Variants in SERINC5 observed in about 807,000 individuals in gnomAD.
SERINC5 encodes serine incorporator 5, also known as chromosome 5 open reading frame 12.
Under a neutral mutation model 63.1 loss-of-function variants are expected in SERINC5, and 41 were observed. The ratio of observed to expected loss-of-function variants is 0.65; its 90% CI spans 0.51 to 0.84. SERINC5 has a LOEUF of 0.84. Ranked by LOEUF, SERINC5 falls within the 40% of genes least tolerant of loss-of-function variation. SERINC5 has a pLI of 0.00. For synonymous variants in SERINC5, 222 were observed against 215.2 expected (o/e 1.03, Z -0.28); for missense variants, 523 against 573.0 (o/e 0.91, Z 0.89).
intron 7 of SERINC5, among the ~76,000 whole-genome samples, chr5:80,164,429 C>CA (rs1747138287): frequency 6.6e-6 from 1 of 151,916 alleles, no homozygotes; most frequent in African/African-American, 2.4e-5. Flanking sequence ...GGGTAGAGTG[C>CA]AGTGGTGCAA....
chr5:80,147,595 G>A (rs1009337297), intron 9 of SERINC5, among the ~76,000 whole-genome samples: 10 of 151,806 alleles, frequency 6.6e-5, no homozygotes, highest in East Asian at 1.9e-4. Context: ...GGTAAAGGCC[G>A]TGCCTTTATG....
At chr5:80,187,873 C>T (rs1748919590) in intron 2 of SERINC5, among the ~76,000 whole-genome samples, 1 of 152,134 alleles carries the variant, frequency 6.6e-6, no homozygotes, top group African/African-American at 2.4e-5. Flanking sequence ...ACAATAAGCT[C>T]CAAAGGAGAC....
At chr5:80,149,203 TC>T (rs1746014284) in intron 9 of SERINC5, among the ~76,000 whole-genome samples, 1 of 152,198 alleles carries the variant, frequency 6.6e-6, no homozygotes, top group Non-Finnish European at 1.5e-5. Flanking sequence ...GAGCTTGAAC[TC>T]TGTACACAAT....
chr5:80,196,479 T>C (rs61341838), intron 2 of SERINC5, among the ~76,000 whole-genome samples: 7,470 of 152,210 alleles, frequency 0.049, 221 homozygotes, highest in South Asian at 0.063. Flanking sequence ...AATATGGCGG[T>C]TCCTCAAGAG....
At chr5:80,242,660 GA>G (rs1561451962) in intron 1 of SERINC5, among the ~76,000 whole-genome samples, 8 of 152,202 alleles carry the variant, frequency 5.3e-5, no homozygotes. Context: ...TGAGGCAGGA[GA>G]ATCACTTGAA....
chr5:80,198,836 C>T (rs187403552), intron 2 of SERINC5, among the ~76,000 whole-genome samples: 195 of 152,306 alleles, frequency 1.3e-3, no homozygotes, highest in African/African-American at 4.4e-3. Context: ...TCATTCCCTA[C>T]GCAGGACACC....
chr5:80,218,493 T>C (rs897471980), intron 1 of SERINC5, among the ~76,000 whole-genome samples: 4 of 152,016 alleles, frequency 2.6e-5, no homozygotes, highest in Admixed American at 1.3e-4. Context: ...TGAGCCAAGA[T>C]TGCATTATTG....
At position 80,198,691 on chromosome 5, in the gene SERINC5, G is replaced by A. The variant is rs909089007; in HGVS notation, c.195+4195C>T. 27 of 985,200 alleles carry A rather than the reference G, an allele frequency of 2.7e-5. No individual in the cohort carries two copies. The Admixed American group carries it at 4.3e-4, about 16-fold the overall frequency. The allele number at this position is 985,200 out of a possible 1,614,324, so 61.0% of individuals were successfully genotyped here. On this transcript the variant is annotated intron_variant, in intron 2 of 11. Coordinates refer to ENST00000507668, the MANE Select transcript of SERINC5 (RefSeq NM_001174072.3). ...CCTACAAGGGGACCTTTCAACACCC[G>A]CCCGCAAGCACCCCCTGAGGATGAG...
intron 11 of SERINC5, among the ~76,000 whole-genome samples, chr5:80,132,073 T>C (rs570675434): frequency 1.8e-4 from 28 of 152,296 alleles, no homozygotes; most frequent in African/African-American, 6.5e-4. Context: ...AGCCAGCCAG[T>C]TGAAGCCGCG....
intron 1 of SERINC5, 123 bp downstream of exon 1, chr5:80,255,773 A>G: frequency 1.1e-6 from 1 of 944,004 alleles, no homozygotes. Context: ...AGCCCGAGCG[A>G]CCCACCCGGG....
chr5:80,145,476 T>G (rs187968629), intron 11 of SERINC5, among the ~76,000 whole-genome samples: 506 of 152,238 alleles, frequency 3.3e-3, no homozygotes, highest in Admixed American at 7.7e-3. Context: ...ATTCCACATT[T>G]AGTTTGTATT....
rs59664490 is a variant in SERINC5, at chr5:80,229,341, A to ATTTTT, written c.28-26293_28-26289dup. The stretch of plus-strand genomic sequence containing the variant: ...TCCTGGCATTTTACATACTTACACA[A>ATTTTT]TTTTTTTTTTTTTTTTTTTTGCTAA... On this transcript the variant is annotated intron_variant, in intron 1 of 11. Coordinates refer to ENST00000507668, the MANE Select transcript of SERINC5 (RefSeq NM_001174072.3). Among the ~76,000 whole-genome samples, 232 of 120,176 alleles carry ATTTTT rather than the reference A, an allele frequency of 1.9e-3. 1 individual carries two copies. The highest frequency in any genetic ancestry group is 3.3e-3 in the South Asian group (12 of 3,630). 78.8% of individuals were successfully genotyped at this position (120,176 alleles called of 152,430 possible). A position where few individuals can be genotyped will look rare whatever the true frequency, so the allele number is the denominator to read the frequency against.
intron 2 of SERINC5, among the ~76,000 whole-genome samples, chr5:80,188,130 A>G (rs1748942696): frequency 6.6e-6 from 1 of 151,984 alleles, no homozygotes; most frequent in Admixed American, 6.6e-5. Context: ...TAAAAAATAC[A>G]AAAATTAGCC....
chr5:80,247,676 C>T (rs1036006920), intron 1 of SERINC5, among the ~76,000 whole-genome samples: 3 of 152,158 alleles, frequency 2.0e-5, no homozygotes, highest in African/African-American at 7.2e-5. Context: ...AGCTACACTA[C>T]ACAAAGACAC....
intron 6 of SERINC5, chr5:80,167,263 G>A (rs1314274616): frequency 6.6e-6 from 1 of 152,024 alleles, no homozygotes; most frequent in South Asian, 2.1e-4. Context: ...GCCCCAGTGT[G>A]TGTTGTTCCC....
At chr5:80,121,940 G>A (rs1352698062) in intron 11 of SERINC5, among the ~76,000 whole-genome samples, 1 of 151,896 alleles carries the variant, frequency 6.6e-6, no homozygotes, top group East Asian at 1.9e-4. Flanking sequence ...CCTCCCACCA[G>A]GTCCCATCTT....
intron 1 of SERINC5, among the ~76,000 whole-genome samples, chr5:80,227,410 T>C (rs1751217357): frequency 6.6e-6 from 1 of 152,128 alleles, no homozygotes; most frequent in African/African-American, 2.4e-5. Context: ...TGTGCTGCTA[T>C]GGTGCCGTCT....
At chr5:80,121,282 C>T (rs1744534346) in intron 11 of SERINC5, among the ~76,000 whole-genome samples, 1 of 152,202 alleles carries the variant, frequency 6.6e-6, no homozygotes, top group South Asian at 2.1e-4. Flanking sequence ...CTGGCATCTG[C>T]TCAGTTTCTG....
intron 7 of SERINC5, among the ~76,000 whole-genome samples, chr5:80,164,519 C>T (rs1747143106): frequency 6.6e-6 from 1 of 151,944 alleles, no homozygotes. Context: ...GTAGCTGGGA[C>T]TACAGACATG....
Sources: allele counts gnomAD v4.1 joint callset (sites outside exome capture counted in the v4.1 genomes callset), GRCh38; gene constraint gnomAD v4.1.1; transcripts MANE v1.5; gene names NCBI Gene and HGNC (gene_info 2026-07-23, HGNC 2026-07-21).